PRELID2: variants seen among roughly 807,000 people sequenced by gnomAD.
PRELID2 encodes PRELI domain-containing protein 2.
In PRELID2, 25 loss-of-function variants were observed where a neutral mutation model predicts 28.4. The observed-to-expected ratio is 0.88, with a 90% CI of 0.64 to 1.23. PRELID2 has a LOEUF of 1.23. Ranked by LOEUF, PRELID2 falls within the 50% of genes most tolerant of loss-of-function variation. The pLI is 0.00. For synonymous variants in PRELID2, 76 were observed against 71.6 expected (o/e 1.06, Z -0.31); for missense variants, 201 against 214.4 (o/e 0.94, Z 0.39).
At chr5:145,661,633 A>G (rs941540644) in intron 1 of PRELID2, among the ~76,000 whole-genome samples, 1 of 149,844 alleles carries the variant, frequency 6.7e-6, no homozygotes, top group Non-Finnish European at 1.5e-5. Context: ...CACCGTGGAC[A>G]TGATTCCAGG....
chr5:145,307,976 C>G, the PRELID2 span, among the ~76,000 whole-genome samples: 2 of 152,176 alleles, frequency 1.3e-5, no homozygotes, highest in Admixed American at 1.3e-4. Context: ...CTTCATTGCT[C>G]TAGCATTCTC....
intron 4 of PRELID2, among the ~76,000 whole-genome samples, chr5:145,815,392 A>G (rs1243749037): frequency 6.6e-6 from 1 of 152,262 alleles, no homozygotes; most frequent in Non-Finnish European, 1.5e-5. Flanking sequence ...AGAATCAGCT[A>G]TATCGTTTTC....
At chr5:145,703,786 C>A (rs997051138) in intron 1 of PRELID2, 1 of 152,184 alleles carries the variant, frequency 6.6e-6, no homozygotes, top group Non-Finnish European at 1.5e-5. Flanking sequence ...ATTTCCCCTG[C>A]ACCTGTCCTC....
At chr5:145,405,063 T>A in the PRELID2 span, among the ~76,000 whole-genome samples, 14 of 152,016 alleles carry the variant, frequency 9.2e-5, no homozygotes, top group East Asian at 2.7e-3. Context: ...AAAAATAAAA[T>A]AAAAAAACTT....
At position 145,525,380 on chromosome 5, in the gene PRELID2, G is replaced by C. The variant is rs191103278; in HGVS notation, n.71-52065C>G. Reference sequence around the variant, plus strand: ...CACACACCCTTGTTCTCCAAGAATGGGACAAAATTTAAAGTCCTTAATGAT... The same window carrying C: ...CACACACCCTTGTTCTCCAAGAATGCGACAAAATTTAAAGTCCTTAATGAT... On this transcript the variant is annotated intron_variant and non_coding_transcript_variant, in intron 1 of 2. Transcript: ENST00000510259. Among the ~76,000 whole-genome samples, 233 of 152,196 alleles carry C rather than the reference G, an allele frequency of 1.5e-3. 1 individual carries two copies. Among genetic ancestry groups the C allele is most frequent in the African/African-American group, 5.2e-3 (217 of 41,522 alleles).
intron 1 of PRELID2, among the ~76,000 whole-genome samples, chr5:145,623,870 G>C (rs1374484116): frequency 6.6e-6 from 1 of 152,112 alleles, no homozygotes; most frequent in Non-Finnish European, 1.5e-5. Flanking sequence ...GACACTGTCT[G>C]CCAGGAGTTA....
chr5:145,609,172 T>C (rs759334081), intron 1 of PRELID2, among the ~76,000 whole-genome samples: 19 of 152,216 alleles, frequency 1.2e-4, no homozygotes, highest in Non-Finnish European at 2.8e-4. Flanking sequence ...CCTTTTGTAG[T>C]CTTCCTTAGA....
chr5:145,797,027 A>G (rs1464043467), intron 4 of PRELID2, among the ~76,000 whole-genome samples: 2 of 152,174 alleles, frequency 1.3e-5, no homozygotes, highest in African/African-American at 4.8e-5. Flanking sequence ...GGAAAGCCAG[A>G]CACCTGGAAT....
At chr5:145,577,595 C>A (rs1416665733) in intron 1 of PRELID2, among the ~76,000 whole-genome samples, 3 of 151,966 alleles carry the variant, frequency 2.0e-5, no homozygotes, top group East Asian at 1.9e-4. Flanking sequence ...AAAAATCTTA[C>A]AGGATTTATA....
chr5:145,308,835 C>T, the PRELID2 span, among the ~76,000 whole-genome samples: 1 of 152,144 alleles, frequency 6.6e-6, no homozygotes, highest in Non-Finnish European at 1.5e-5. Flanking sequence ...CCTGCTTTCT[C>T]AAAGCCATGT....
At chr5:145,564,047 T>G (rs1346329123) in intron 1 of PRELID2, among the ~76,000 whole-genome samples, 1 of 152,204 alleles carries the variant, frequency 6.6e-6, no homozygotes, top group Non-Finnish European at 1.5e-5. Flanking sequence ...ATAAGCAATT[T>G]TTAGTTAAAA....
chr5:145,532,553 T>C (rs899510229), intron 1 of PRELID2, among the ~76,000 whole-genome samples: 63 of 152,034 alleles, frequency 4.1e-4, no homozygotes, highest in African/African-American at 1.4e-3. Context: ...GTACAATAGA[T>C]CTGCAGAATG....
At chr5:145,778,374 G>A (rs1489225374) in intron 5 of PRELID2, among the ~76,000 whole-genome samples, 4 of 152,184 alleles carry the variant, frequency 2.6e-5, no homozygotes, top group African/African-American at 9.6e-5. Context: ...GCTAGGGGCT[G>A]CACACTCTAC....
chr5:145,334,192 G>A, the PRELID2 span, among the ~76,000 whole-genome samples: 12 of 151,930 alleles, frequency 7.9e-5, no homozygotes, highest in African/African-American at 2.9e-4. Context: ...CTCACTGGGA[G>A]CTGCAGATGG....
chr5:145,690,195 G>A (rs76919428), intron 1 of PRELID2, among the ~76,000 whole-genome samples: 1 of 151,786 alleles, frequency 6.6e-6, no homozygotes, highest in Non-Finnish European at 1.5e-5. Context: ...TTTCACCATG[G>A]TGCCCCCGGC....
the PRELID2 span, among the ~76,000 whole-genome samples, chr5:145,277,036 A>T: frequency 2.6e-5 from 4 of 152,086 alleles, no homozygotes; most frequent in African/African-American, 9.7e-5. Flanking sequence ...TTTATGAATG[A>T]TGCCACAGAG....
chr5:145,721,591 A>G (rs369878773), intron 1 of PRELID2, among the ~76,000 whole-genome samples: 7 of 152,288 alleles, frequency 4.6e-5, no homozygotes, highest in African/African-American at 1.4e-4. Context: ...GTGACAGAGT[A>G]TAGATCAAAC....
intron 1 of PRELID2, among the ~76,000 whole-genome samples, chr5:145,530,500 G>T (rs1397844919): frequency 2.0e-5 from 3 of 151,958 alleles, no homozygotes; most frequent in Non-Finnish European, 4.4e-5. Context: ...AAAGGAAATT[G>T]GTCAAGTAGA....
intron 4 of PRELID2, among the ~76,000 whole-genome samples, chr5:145,805,518 G>A (rs1338811731): frequency 6.6e-6 from 1 of 152,076 alleles, no homozygotes; most frequent in Non-Finnish European, 1.5e-5. Flanking sequence ...CCAGCCCAGG[G>A]ATACAAAACT....
Sources: gnomAD v4.1 joint callset for allele counts (sites outside exome capture counted in the v4.1 genomes callset) on GRCh38, gnomAD v4.1.1 for gene constraint, MANE v1.5 for transcripts, NCBI Gene and HGNC (gene_info 2026-07-23, HGNC 2026-07-21) for gene names.